The following SBNO1 variants were observed in gnomAD, a reference collection of about 807,000 sequenced individuals.
SBNO1 encodes the protein protein strawberry notch homolog 1.
SBNO1 carries 23 observed loss-of-function variants against 173.6 expected under a neutral mutation model. That is an observed-to-expected ratio of 0.13 (90% CI 0.10 to 0.19). SBNO1 has a LOEUF of 0.19. SBNO1 is among the 10% of genes least tolerant of loss of function. The probability of loss-of-function intolerance (pLI) is 1.00; values close to 1 mark genes in which losing one functional copy is unlikely to be tolerated. For missense variants in SBNO1, 1,238 were observed against 1,671.2 expected, an observed-to-expected ratio of 0.74 and a Z score of 4.52; for synonymous variants, 632 against 571.5, an observed-to-expected ratio of 1.11 and a Z score of -1.51.
At chr12:123,358,759 AAAAAAAAAG>A (rs1874764237) in intron 1 of SBNO1, among the ~76,000 whole-genome samples, 1 of 140,886 alleles carries the variant, frequency 7.1e-6, no homozygotes, top group Non-Finnish European at 1.6e-5. Flanking sequence ...AAAAAAAAAA[AAAAAAAAAG>A]AAGAAGAAAA....
chr12:123,339,493 A>G (rs891730652), intron 5 of SBNO1, among the ~76,000 whole-genome samples: 1 of 152,010 alleles, frequency 6.6e-6, no homozygotes, highest in African/African-American at 2.4e-5. Context: ...GACTAAGTCC[A>G]AAGTCCTTCA....
rs28405590 is a variant in SBNO1, at chr12:123,364,797, A to G, written c.-97T>C. The G allele has an allele frequency of 8.8e-3, 8,724 of 987,016 alleles. 526 individuals carry two copies. The African/African-American group carries it at 0.13, about 15-fold the overall frequency. The allele number at this position is 987,016 out of a possible 1,614,324, so 61.1% of individuals were successfully genotyped here. On this transcript the variant is annotated 5_prime_UTR_variant, in exon 1 of 32. Coordinates refer to ENST00000602398, the MANE Select transcript of SBNO1 (RefSeq NM_001167856.3). ...GAGCGGAGGCGGCGGTGGCGGCGGC[A>G]GCAGCGGCGTCCTGCTCTGCCTACC...
chr12:123,319,097 G>A (rs940750305), intron 20 of SBNO1, among the ~76,000 whole-genome samples: 1 of 151,576 alleles, frequency 6.6e-6, no homozygotes, highest in Non-Finnish European at 1.5e-5. Context: ...CTGAGTAGCT[G>A]GGACTACAGG....
In SBNO1 at chr12:123,300,980, C is replaced by CAA. The variant is rs1555244381; in HGVS notation, c.3845+1842_3845+1843dup. Among the ~76,000 whole-genome samples the CAA allele has an allele frequency of 3.9e-4, 54 of 140,022 alleles. 1 individual carries two copies. The highest frequency in any genetic ancestry group is 1.2e-3 in the African/African-American group (47 of 38,246). 91.9% of individuals were successfully genotyped at this position (140,022 alleles called of 152,430 possible). On this transcript the variant is annotated intron_variant, in intron 30 of 31. Coordinates refer to ENST00000602398, the MANE Select transcript of SBNO1 (RefSeq NM_001167856.3). ...ATCTCAAAAAAAAAACAAAAAAAAA[C>CAA]AAAAAAAAAACCCAAGTTAGTAGGT...
intron 1 of SBNO1, among the ~76,000 whole-genome samples, chr12:123,355,911 G>A (rs950531162): frequency 6.6e-6 from 1 of 152,122 alleles, no homozygotes; most frequent in Non-Finnish European, 1.5e-5. Context: ...GCTAGTTTTG[G>A]CAGGAAGAGA....
At chr12:123,296,865 GT>G (rs139244747) in intron 31 of SBNO1, among the ~76,000 whole-genome samples, 3 of 145,232 alleles carry the variant, frequency 2.1e-5, no homozygotes, top group South Asian at 2.2e-4. Context: ...GGCCCTATTT[GT>G]TTTTTTTTTA....
In SBNO1 at chr12:123,309,735, A is replaced by T. The variant is rs1293145285; in HGVS notation, c.3417T>A (p.Asn1139Lys). 3 of 1,610,124 alleles carry T rather than the reference A, an allele frequency of 1.9e-6. No homozygotes were observed. Among genetic ancestry groups the T allele is most frequent in the Admixed American group, 1.7e-5 (1 of 59,480 alleles). The change falls in exon 26 of 32, where the codon AAT becomes AAA. Residue 1139 changes from asparagine (N) to lysine (K), a missense_variant. Asn to Lys is a moderately conservative substitution (Grantham distance 94). This residue lies in a region of SBNO1 where 351 missense variants were observed against 420.3 expected (regional missense o/e 0.84). Coordinates refer to ENST00000602398, the MANE Select transcript of SBNO1 (RefSeq NM_001167856.3). ...CTAAGATTCCCATATCATATCTTCC[A>T]TTTTTTTTGGCATTTTGAACAACTG... ...LTAVVQNAKK[N>K]GRYDMGILDL...
chr12:123,318,967 G>GTTTT (rs575457621), intron 20 of SBNO1, among the ~76,000 whole-genome samples: 1 of 135,722 alleles, frequency 7.4e-6, no homozygotes, highest in Non-Finnish European at 1.6e-5. Context: ...CTAAGGGAAC[G>GTTTT]TTTTTTTTTT....
intron 23 of SBNO1, among the ~76,000 whole-genome samples, 168 bp from the exon 24 acceptor site, chr12:123,313,887 A>C (rs1381686686): frequency 1.3e-5 from 2 of 152,060 alleles, no homozygotes; most frequent in African/African-American, 4.8e-5. Flanking sequence ...TTGGGAGTTC[A>C]AGACCAACCT....
rs372932746 is a variant in SBNO1, at chr12:123,327,545, T to C, written c.1573A>G (p.Met525Val). 5 of 1,613,824 alleles carry C rather than the reference T, an allele frequency of 3.1e-6. No homozygotes were observed. The highest frequency in any genetic ancestry group is 4.2e-6 in the Non-Finnish European group (5 of 1,179,882). ...VGAMEIVAMD[M>V]KLRGMYIARQ... ...GCAATGTACATTCCTCTAAGCTTCATATCCATAGCAACTATTTCCATGGCA... is the reference window on the plus strand; with the variant it reads ...GCAATGTACATTCCTCTAAGCTTCACATCCATAGCAACTATTTCCATGGCA... Residue 525 changes from methionine (M) to valine (V), a missense_variant, in exon 13 of 32, where the codon ATG (methionine) becomes GTG (valine). Physicochemically the swap from Met to Val is conservative, Grantham distance 21. Coordinates refer to ENST00000602398, the MANE Select transcript of SBNO1 (RefSeq NM_001167856.3).
chr12:123,307,170 G>T (rs1276146001), intron 28 of SBNO1, among the ~76,000 whole-genome samples: 2 of 151,940 alleles, frequency 1.3e-5, no homozygotes, highest in Non-Finnish European at 2.9e-5. Flanking sequence ...ATCAGCCTGG[G>T]TGACAGAGCG....
intron 7 of SBNO1, among the ~76,000 whole-genome samples, chr12:123,332,301 TTTTG>T (rs1242154177): frequency 6.6e-6 from 1 of 152,190 alleles, no homozygotes; most frequent in African/African-American, 2.4e-5. Flanking sequence ...TTTTGTTTTG[TTTTG>T]TTTTTGAGAC....
At chr12:123,352,845 T>C (rs1874041949) in intron 1 of SBNO1, among the ~76,000 whole-genome samples, 1 of 152,196 alleles carries the variant, frequency 6.6e-6, no homozygotes, top group South Asian at 2.1e-4. Flanking sequence ...TCACCCAGGC[T>C]GGAGTGCAGT....
At position 123,290,176 on chromosome 12, in the gene SBNO1, A is replaced by C. The variant is rs1593308159; in HGVS notation, c.*5732T>G. 6.6e-6 allele frequency: 1 copy of C among 152,280 alleles called. No homozygotes were observed. The highest frequency in any genetic ancestry group is 1.5e-5 in the Non-Finnish European group (1 of 68,082). 9.4% of individuals were successfully genotyped at this position (152,280 alleles called of 1,614,324 possible). ...CTGCCAACCACAGCACGGCTTCCCC[A>C]TGGGCGCCAGAGGGAGACTGAGCAA... is the stretch of plus-strand genomic sequence containing the variant. On this transcript the variant is annotated 3_prime_UTR_variant, in exon 32 of 32. Coordinates refer to ENST00000602398, the MANE Select transcript of SBNO1 (RefSeq NM_001167856.3).
intron 23 of SBNO1, among the ~76,000 whole-genome samples, 177 bp downstream of exon 23, chr12:123,315,196 T>C (rs576168422): frequency 6.6e-6 from 1 of 152,370 alleles, no homozygotes; most frequent in Admixed American, 6.5e-5. Context: ...GCTGTACTGA[T>C]ACTTAACATG....
rs1346031534 is a variant in SBNO1 at position 123,309,313 on chromosome 12, C to G, written c.3627G>C (p.Leu1209Phe). The G allele has an allele frequency of 9.3e-6, 15 of 1,610,104 alleles. No homozygotes were observed. The highest frequency in any genetic ancestry group is 1.2e-5 in the Non-Finnish European group (14 of 1,176,466). The change falls in exon 28 of 32, where the codon TTG (leucine) becomes TTC (phenylalanine). Residue 1209 changes from leucine to phenylalanine, a missense_variant. Leu to Phe is a conservative substitution (Grantham distance 22, BLOSUM62 0). Transcript: ENST00000602398. ...GAATTTAAAGGAAAAGTCGTACTTG[C>G]AATGACAAGTAAAAGCCATCGTCTG... ...TGPDDGFYLS[L>F]QIRNNKKTAI...
At chr12:123,340,001 C>T (rs1872335408) in intron 5 of SBNO1, among the ~76,000 whole-genome samples, 1 of 152,144 alleles carries the variant, frequency 6.6e-6, no homozygotes, top group Admixed American at 6.6e-5. Flanking sequence ...CCATTATTCC[C>T]TCTCCATAAA....
chr12:123,343,211 C>T (rs1477611491), intron 4 of SBNO1, among the ~76,000 whole-genome samples: 2 of 151,668 alleles, frequency 1.3e-5, no homozygotes, highest in Non-Finnish European at 2.9e-5. Flanking sequence ...CCAGCCTGGG[C>T]GATGGAATGA....
chr12:123,358,585 C>T (rs972802159), intron 1 of SBNO1, among the ~76,000 whole-genome samples: 4 of 151,116 alleles, frequency 2.6e-5, no homozygotes, highest in East Asian at 3.9e-4. Context: ...ACTAAAAATA[C>T]GAAAAAAATT....
Sources: allele counts gnomAD v4.1 joint callset (sites outside exome capture counted in the v4.1 genomes callset), GRCh38; gene constraint gnomAD v4.1.1; regional missense constraint gnomAD v4.1.1; transcripts MANE v1.5; gene names NCBI Gene and HGNC (gene_info 2026-07-23, HGNC 2026-07-21).